CABLES1: variants seen among roughly 807,000 people sequenced by gnomAD.
The protein encoded by CABLES1 is CDK5 and ABL1 enzyme substrate 1.
Under a neutral mutation model 57.8 loss-of-function variants are expected in CABLES1, and 36 were observed. The observed-to-expected ratio is 0.62, with a 90% CI of 0.48 to 0.82. CABLES1 has a LOEUF of 0.82. Among genes scored for constraint, CABLES1 ranks in the 40% least tolerant of loss-of-function variants. The pLI, the probability that CABLES1 is intolerant of heterozygous loss-of-function variation, is 0.00. For missense variants in CABLES1, 767 were observed against 836.6 expected, an observed-to-expected ratio of 0.92 and a Z score of 1.03; for synonymous variants, 374 against 363.0, an observed-to-expected ratio of 1.03 and a Z score of -0.35.
At chr18:23,168,074 G>A (rs1380712938) in intron 1 of CABLES1, among the ~76,000 whole-genome samples, 1 of 152,148 alleles carries the variant, frequency 6.6e-6, no homozygotes, top group Non-Finnish European at 1.5e-5. Context: ...GCGATCTGAG[G>A]GCAACTCCAA....
At chr18:23,232,422 C>T (rs1172875016) in intron 4 of CABLES1, among the ~76,000 whole-genome samples, 1 of 152,132 alleles carries the variant, frequency 6.6e-6, no homozygotes, top group Non-Finnish European at 1.5e-5. Flanking sequence ...GTGGTCAGTC[C>T]CCTCCCTCCC....
chr18:23,224,156 G>A (rs1460994186), intron 4 of CABLES1, among the ~76,000 whole-genome samples: 1 of 146,064 alleles, frequency 6.8e-6, no homozygotes, highest in Admixed American at 6.9e-5. Flanking sequence ...CATTCTTCCA[G>A]TATCAGTTTA....
chr18:23,163,641 G>A (rs181416312), intron 1 of CABLES1, among the ~76,000 whole-genome samples: 1 of 152,188 alleles, frequency 6.6e-6, no homozygotes, highest in East Asian at 1.9e-4. Context: ...GACAGAGAGT[G>A]GATACAGAAA....
In CABLES1 at chr18:23,253,866, G is replaced by C. The variant is rs2048100225; in HGVS notation, c.1691G>C (p.Gly564Ala). The change falls in exon 9 of 10, where the codon GGG becomes GCG. Residue 564 changes from glycine to alanine, a missense_variant. Physicochemically the swap from Gly to Ala is moderately conservative, Grantham distance 60. Coordinates refer to ENST00000256925, the MANE Select transcript of CABLES1 (RefSeq NM_001100619.3). Reference protein sequence around the residue: ...LNKQNRKLCAGACVLLAAKIG... With the variant: ...LNKQNRKLCAAACVLLAAKIG... ...AAACAGAACCGGAAGCTGTGTGCTG[G>C]GGCATGTGTGCTGTTAGCAGCCAAA... 1 of 1,614,082 alleles carries C rather than the reference G, an allele frequency of 6.2e-7. No homozygotes were observed. The highest frequency in any genetic ancestry group is 1.3e-5 in the African/African-American group (1 of 74,920).
At chr18:23,181,496 C>CAAAAAAAAAAAAAAAA (rs59742943) in intron 1 of CABLES1, among the ~76,000 whole-genome samples, 1 of 35,410 alleles carries the variant, frequency 2.8e-5, no homozygotes, top group African/African-American at 1.0e-4. Context: ...AGCTTCGTCT[C>CAAAAAAAAAAAAAAAA]AAAAAAAAAA....
rs574258744 is a variant in CABLES1 at position 23,251,981 on chromosome 18, G to T, written c.1447-979G>T. 2.0e-5 allele frequency among the ~76,000 whole-genome samples: 3 copies of T among 151,838 alleles called. No homozygotes were observed. In the East Asian group the frequency reaches 5.8e-4, roughly 29 times the overall value. On this transcript the variant is annotated intron_variant, in intron 7 of 9. Coordinates refer to ENST00000256925, the MANE Select transcript of CABLES1 (RefSeq NM_001100619.3). Reference sequence around the variant, plus strand: ...GGCGCCTGTATTTCCAGCTACTCAGGAAGCTGAGACAGGAGAATCGCTTGA... The same window carrying T: ...GGCGCCTGTATTTCCAGCTACTCAGTAAGCTGAGACAGGAGAATCGCTTGA...
At position 23,257,438 on chromosome 18, in the gene CABLES1, A is replaced by C; in HGVS notation, c.*71A>C. On this transcript the variant is annotated 3_prime_UTR_variant, in exon 10 of 10. Coordinates refer to ENST00000256925, the MANE Select transcript of CABLES1 (RefSeq NM_001100619.3). ...GGAGCAGCACTTACTTACTACTGGA[A>C]ATGAAAAAAAGTAGAACTCAGAATA... is the stretch of plus-strand genomic sequence containing the variant. 1 of 1,479,154 alleles carries C rather than the reference A, an allele frequency of 6.8e-7. No individual in the cohort carries two copies. Among genetic ancestry groups the C allele is most frequent in the African/African-American group, 1.4e-5 (1 of 69,888 alleles). 91.6% of individuals were successfully genotyped at this position (1,479,154 alleles called of 1,614,324 possible). A position where few individuals can be genotyped will look rare whatever the true frequency, so the allele number is the denominator to read the frequency against.
intron 2 of CABLES1, chr18:23,189,198 G>C: frequency 2.8e-6 from 1 of 352,316 alleles, no homozygotes; most frequent in East Asian, 7.0e-5. Flanking sequence ...TGGAACAAGA[G>C]CCCAGCATTG....
intron 4 of CABLES1, among the ~76,000 whole-genome samples, chr18:23,232,734 A>T (rs1568078580): frequency 6.6e-6 from 1 of 152,190 alleles, no homozygotes; most frequent in Admixed American, 6.5e-5. Context: ...TGCTGTGGAA[A>T]TGCAGCACTT....
At chr18:23,223,837 G>A (rs1222155417) in intron 4 of CABLES1, among the ~76,000 whole-genome samples, 1 of 152,034 alleles carries the variant, frequency 6.6e-6, no homozygotes, top group African/African-American at 2.4e-5. Flanking sequence ...GGACTTACTG[G>A]CATGCATTGA....
intron 3 of CABLES1, among the ~76,000 whole-genome samples, chr18:23,199,727 TA>T: frequency 6.6e-6 from 1 of 152,306 alleles, no homozygotes. Flanking sequence ...GAGTTTCTAT[TA>T]GGGGTGATGG....
At chr18:23,173,254 C>G (rs1271020821) in intron 1 of CABLES1, among the ~76,000 whole-genome samples, 3 of 152,216 alleles carry the variant, frequency 2.0e-5, no homozygotes, top group African/African-American at 7.2e-5. Flanking sequence ...GCCCAGGTCT[C>G]TGCCTTCAAG....
intron 1 of CABLES1, among the ~76,000 whole-genome samples, chr18:23,152,227 T>TA (rs751554222): frequency 2.6e-5 from 4 of 151,964 alleles, no homozygotes; most frequent in Non-Finnish European, 4.4e-5. Flanking sequence ...ACCCTGTCTT[T>TA]AAAAAAAATT....
Position 23,257,327 on chromosome 18 carries a change from A to G in CABLES1, c.1862A>G (p.Glu621Gly). 6.2e-7 allele frequency: 1 copy of G among 1,613,870 alleles called. No individual in the cohort carries two copies. Residue 621 changes from glutamate (E) to glycine (G), a missense_variant, in exon 10 of 10, where the codon GAA becomes GGA. Glu to Gly is a moderately conservative substitution (Grantham distance 98). Transcript: ENST00000256925. ...TTCGCCCTCCACTTGCCCGAGCACGAAGTCATGCCCCACTACAGACGGCTG... is the reference window on the plus strand; with the variant it reads ...TTCGCCCTCCACTTGCCCGAGCACGGAGTCATGCCCCACTACAGACGGCTG... ...LEFALHLPEH[E>G]VMPHYRRLVQ...
chr18:23,176,658 CAAGG>C (rs45551437), intron 1 of CABLES1, among the ~76,000 whole-genome samples: 1,544 of 152,196 alleles, frequency 0.01, 15 homozygotes, highest in African/African-American at 0.029. Context: ...TTCGGATAGA[CAAGG>C]AAGAGGCATC....
At chr18:23,251,919 C>G (rs979810685) in intron 7 of CABLES1, among the ~76,000 whole-genome samples, 1 of 152,052 alleles carries the variant, frequency 6.6e-6, no homozygotes, top group Non-Finnish European at 1.5e-5. Context: ...AACTCAGTCT[C>G]TCTTAAAAAT....
chr18:23,187,485 C>T (rs1041561816), intron 1 of CABLES1, among the ~76,000 whole-genome samples: 3 of 152,208 alleles, frequency 2.0e-5, no homozygotes, highest in Non-Finnish European at 4.4e-5. Context: ...CTCCCGGGTT[C>T]ACGCCATTCT....
At chr18:23,218,925 G>A (rs915450311) in intron 4 of CABLES1, among the ~76,000 whole-genome samples, 1 of 152,166 alleles carries the variant, frequency 6.6e-6, no homozygotes, top group Non-Finnish European at 1.5e-5. Context: ...ATGGAGGGTG[G>A]GCAGGGAGGC....
chr18:23,204,927 C>T (rs576858690), intron 3 of CABLES1, among the ~76,000 whole-genome samples: 3 of 152,348 alleles, frequency 2.0e-5, no homozygotes, highest in East Asian at 1.9e-4. Context: ...ATGGGAGCTA[C>T]AATTCAAGAT....
Sources: allele counts gnomAD v4.1 joint callset (sites outside exome capture counted in the v4.1 genomes callset), GRCh38; gene constraint gnomAD v4.1.1; transcripts MANE v1.5; gene names NCBI Gene and HGNC (gene_info 2026-07-23, HGNC 2026-07-21).